EPHA8: variants seen among roughly 807,000 people sequenced by gnomAD.
EPHA8 encodes ephrin type-A receptor 8.
A neutral mutation model predicts 103.6 loss-of-function variants in EPHA8; 58 were observed. That is an observed-to-expected ratio of 0.56 (90% CI 0.45 to 0.70). The LOEUF is 0.70. Ranked by LOEUF, EPHA8 falls within the 30% of genes least tolerant of loss-of-function variation. EPHA8 has a pLI of 0.00. For missense variants in EPHA8, 1,304 were observed against 1,395.2 expected, an observed-to-expected ratio of 0.93 and a Z score of 1.04; for synonymous variants, 559 against 572.5, an observed-to-expected ratio of 0.98 and a Z score of 0.34.
At chr1:22,600,045 TGG>T (rs1641666479) in intron 13 of EPHA8, among the ~76,000 whole-genome samples, 1 of 29,848 alleles carries the variant, frequency 3.4e-5, no homozygotes, top group African/African-American at 1.3e-4. Flanking sequence ...AGGGAGGGAG[TGG>T]AGGAGGAAGG....
At chr1:22,568,388 A>G (rs1018851900) in intron 1 of EPHA8, among the ~76,000 whole-genome samples, 1 of 152,016 alleles carries the variant, frequency 6.6e-6, no homozygotes, top group Non-Finnish European at 1.5e-5. Context: ...TGCCGTGGAG[A>G]CTACCCAGAG....
At position 22,581,149 on chromosome 1, in the gene EPHA8, A is replaced by G. The variant is rs138095991; in HGVS notation, c.823+4269A>G. ...TGATAAGAAAAACTGAGGTCCCTCA[A>G]CTTAAGTAGCAGAGTAGTGATCTGA... On this transcript the variant is annotated intron_variant, in intron 3 of 16. Transcript: ENST00000166244. Among the ~76,000 whole-genome samples, 415 of 152,318 alleles carry G rather than the reference A, an allele frequency of 2.7e-3. 3 individuals carry two copies. Among genetic ancestry groups the G allele is most frequent in the African/African-American group, 9.6e-3 (400 of 41,562 alleles).
In EPHA8 at chr1:22,569,297, C is replaced by T; in HGVS notation, c.103C>T (p.Leu35=). The T allele has an allele frequency of 1.2e-6, 2 of 1,612,750 alleles. No individual in the cohort carries two copies. The highest frequency in any genetic ancestry group is 1.7e-4 in the Middle Eastern group (1 of 6,058). Reference sequence around the variant, plus strand: ...TGTCTCCTGTTTTACAGTGAATTTGCTGGACACGTCGACCATCCACGGGGA... The same window carrying T: ...TGTCTCCTGTTTTACAGTGAATTTGTTGGACACGTCGACCATCCACGGGGA... ...VSAARGEVNL[L]DTSTIHGDWG... The change falls in exon 2 of 17, where the codon CTG becomes TTG. Residue 35 remains leucine, a synonymous_variant. Coordinates refer to ENST00000166244, the MANE Select transcript of EPHA8 (RefSeq NM_020526.5). The surrounding 1 kb of genome is among the most constrained non-coding windows in gnomAD (Gnocchi z 4.5).
intron 3 of EPHA8, among the ~76,000 whole-genome samples, chr1:22,578,894 T>C (rs554452630): frequency 1.6e-4 from 24 of 147,842 alleles, no homozygotes; most frequent in African/African-American, 6.1e-4. Flanking sequence ...CGTGTGTGCA[T>C]GTGTGCATGT....
chr1:22,592,310 C>G (rs1346233553), intron 5 of EPHA8, among the ~76,000 whole-genome samples: 1 of 152,168 alleles, frequency 6.6e-6, no homozygotes, highest in East Asian at 1.9e-4. Context: ...CAAACAGTGG[C>G]CTCATCGAAT....
chr1:22,591,138 C>T (rs1237861822), intron 5 of EPHA8, among the ~76,000 whole-genome samples: 3 of 151,942 alleles, frequency 2.0e-5, no homozygotes, highest in Non-Finnish European at 4.4e-5. Flanking sequence ...GCCTGTAATC[C>T]CAGCATTTTG....
At chr1:22,564,858 G>C (rs1163535939) in intron 1 of EPHA8, among the ~76,000 whole-genome samples, 2 of 152,126 alleles carry the variant, frequency 1.3e-5, no homozygotes, top group Non-Finnish European at 2.9e-5. Flanking sequence ...CTGCCAAGAT[G>C]AACTTCCAGG....
chr1:22,586,558 C>T lies in EPHA8; in HGVS notation c.902C>T (p.Ala301Val), dbSNP rs638524. ...ARCPPHSHSA[A>V]PAAQACHCDL... ...TGCCCTCCCCACAGCCACTCCGCAG[C>T]TCCAGCCGCCCAAGCCTGCCACTGT... Residue 301 changes from alanine (A) to valine (V), a missense_variant, in exon 4 of 17, where the codon GCT becomes GTT. Coordinates refer to ENST00000166244, the MANE Select transcript of EPHA8 (RefSeq NM_020526.5). 2,286 of 1,613,850 alleles carry T rather than the reference C, an allele frequency of 1.4e-3. 33 individuals are homozygous for T. The African/African-American group carries it at 0.026, about 19-fold the overall frequency.
intron 3 of EPHA8, among the ~76,000 whole-genome samples, chr1:22,579,166 CAT>C (rs1349825700): frequency 7.1e-6 from 1 of 140,248 alleles, no homozygotes; most frequent in South Asian, 2.3e-4. Context: ...TGTATGTATG[CAT>C]GTGTGTGCAT....
Position 22,571,202 on chromosome 1 carries a change from C to T in EPHA8, c.159+1849C>T, listed in dbSNP as rs887338599. ...TGGCAGTCTCAGGTGGGTTTTCATG[C>T]GGGGCGCTATAATGCATAGCTCAGC... On this transcript the variant is annotated intron_variant, in intron 2 of 16. Transcript: ENST00000166244. Among the ~76,000 whole-genome samples, 6 of 152,162 alleles carry T rather than the reference C, an allele frequency of 3.9e-5. No individual in the cohort carries two copies. In the East Asian group the frequency reaches 9.6e-4, roughly 24 times the overall value.
At chr1:22,575,275 G>T (rs1314042593) in intron 2 of EPHA8, among the ~76,000 whole-genome samples, 1 of 152,136 alleles carries the variant, frequency 6.6e-6, no homozygotes, top group African/African-American at 2.4e-5. Context: ...TTTTATAACA[G>T]CCATCCTAAT....
chr1:22,588,802 T>C, intron 4 of EPHA8, 69 bp from the exon 5 acceptor site: 1 of 1,511,956 alleles, frequency 6.6e-7, no homozygotes, highest in Admixed American at 2.0e-5. Flanking sequence ...GAGCCCCAGG[T>C]CTGATGATAG....
chr1:22,572,950 G>A lies in EPHA8; in HGVS notation c.160-3267G>A, dbSNP rs528390022. 3.4e-3 allele frequency among the ~76,000 whole-genome samples: 512 copies of A among 152,334 alleles called. 2 individuals are homozygous for A. The highest frequency in any genetic ancestry group is 5.6e-3 in the Non-Finnish European group (379 of 68,022). On this transcript the variant is annotated intron_variant, in intron 2 of 16. Transcript: ENST00000166244. ...AGGGCTAGGCCAGACCATTGGCCCC[G>A]GTGGGGCAGCTGGAGTAGACTCAGA...
intron 3 of EPHA8, among the ~76,000 whole-genome samples, chr1:22,585,384 C>T (rs1007905874): frequency 6.6e-6 from 1 of 152,154 alleles, no homozygotes; most frequent in African/African-American, 2.4e-5. Flanking sequence ...TTTGGAGACT[C>T]CCTCAACCTA....
intron 1 of EPHA8, among the ~76,000 whole-genome samples, chr1:22,565,230 C>G (rs1027761489): frequency 2.6e-5 from 4 of 152,230 alleles, no homozygotes; most frequent in African/African-American, 9.7e-5. Flanking sequence ...AATGCATGTG[C>G]ACCAACAAAC....
intron 13 of EPHA8, among the ~76,000 whole-genome samples, chr1:22,599,741 A>G (rs1570036249): frequency 1.1e-4 from 3 of 28,282 alleles, no homozygotes; most frequent in African/African-American, 3.7e-4. Flanking sequence ...GGAAGGAGGG[A>G]GGGAGGAAGG....
rs200917073 is a variant in EPHA8, at chr1:22,588,883, C to T, written c.992C>T (p.Ala331Val). Reference protein sequence around the residue: ...PSSACTRPPSAPVNLISSVNG... With the variant: ...PSSACTRPPSVPVNLISSVNG... The stretch of plus-strand genomic sequence containing the variant: ...CCTCTGCCCTCAGGGCCACCCTCGG[C>T]ACCAGTGAACCTGATCTCCAGTGTG... The change falls in exon 5 of 17, where the codon GCA becomes GTA. Residue 331 changes from alanine (A) to valine (V), a missense_variant. Coordinates refer to ENST00000166244, the MANE Select transcript of EPHA8 (RefSeq NM_020526.5). 3 of 1,588,596 alleles carry T rather than the reference C, an allele frequency of 1.9e-6. No individual in the cohort carries two copies. In the East Asian group the frequency reaches 6.7e-5, roughly 36 times the overall value.
chr1:22,577,555 G>A (rs1433335310), intron 3 of EPHA8, among the ~76,000 whole-genome samples: 1 of 152,100 alleles, frequency 6.6e-6, no homozygotes. Context: ...CCTGTCCCTG[G>A]GGCCCTGAAC....
rs1426233473 is a variant in EPHA8 at position 22,569,739 on chromosome 1, T to G, written c.159+386T>G. Among the ~76,000 whole-genome samples, 2 of 152,012 alleles carry G rather than the reference T, an allele frequency of 1.3e-5. No individual in the cohort carries two copies. The highest frequency in any genetic ancestry group is 2.9e-5 in the Non-Finnish European group (2 of 67,994). On this transcript the variant is annotated intron_variant, in intron 2 of 16. Transcript: ENST00000166244. The surrounding 1 kb of genome is among the most constrained non-coding windows in gnomAD (Gnocchi z 4.5). Reference sequence around the variant, plus strand: ...CACCAGTCCTCCGACCTCTGGAGTCTCTGCTTGTCTGTCTCCCCAATGTGG... The same window carrying G: ...CACCAGTCCTCCGACCTCTGGAGTCGCTGCTTGTCTGTCTCCCCAATGTGG...
Sources: gnomAD v4.1 joint callset for allele counts (sites outside exome capture counted in the v4.1 genomes callset) on GRCh38, gnomAD v4.1.1 for gene constraint, Gnocchi (gnomAD v3.1) non-coding constraint, MANE v1.5 for transcripts, NCBI Gene and HGNC (gene_info 2026-07-23, HGNC 2026-07-21) for gene names.